Variants in PTPRD observed in about 807,000 individuals in gnomAD.
The protein encoded by PTPRD is protein tyrosine phosphatase receptor type D.
In PTPRD, 34 loss-of-function variants were observed where a neutral mutation model predicts 214.5. The ratio of observed to expected loss-of-function variants is 0.16; its 90% CI spans 0.12 to 0.21. The LOEUF (loss-of-function observed/expected upper bound fraction) is 0.21, where lower values mean the gene tolerates loss of function less well. PTPRD is among the 10% of genes least tolerant of loss of function. The pLI is 1.00. For synonymous variants in PTPRD, 1,128 were observed against 845.7 expected (o/e 1.33, Z -5.79); for missense variants, 2,545 against 2,398.7 (o/e 1.06, Z -1.27).
At chr9:8,831,063 A>C (rs894120657) in intron 11 of PTPRD, among the ~76,000 whole-genome samples, 2 of 152,176 alleles carry the variant, frequency 1.3e-5, no homozygotes, top group African/African-American at 4.8e-5. Context: ...CTGTGGACTT[A>C]GAAGGGACAT....
intron 11 of PTPRD, among the ~76,000 whole-genome samples, chr9:8,938,322 A>G (rs576383511): frequency 6.6e-6 from 1 of 152,118 alleles, no homozygotes; most frequent in South Asian, 2.1e-4. Context: ...AGAGGAGAGA[A>G]CACAAGATGA....
intron 10 of PTPRD, among the ~76,000 whole-genome samples, chr9:9,035,973 A>G (rs562067216): frequency 6.6e-6 from 1 of 152,238 alleles, no homozygotes; most frequent in South Asian, 2.1e-4. Context: ...AATGTGCTTA[A>G]TCATTCTTAC....
intron 7 of PTPRD, among the ~76,000 whole-genome samples, chr9:9,681,921 G>T (rs1307303332): frequency 1.3e-5 from 2 of 151,816 alleles, no homozygotes; most frequent in Non-Finnish European, 2.9e-5. Context: ...CATTTATATA[G>T]AAGATGTTAT....
chr9:8,796,802 T>C (rs1437839054), intron 11 of PTPRD, among the ~76,000 whole-genome samples: 1 of 152,182 alleles, frequency 6.6e-6, no homozygotes, highest in Non-Finnish European at 1.5e-5. Flanking sequence ...ATTTATTTTC[T>C]AGAAAATAAA....
chr9:9,114,728 C>G (rs143923889), intron 10 of PTPRD, among the ~76,000 whole-genome samples: 1 of 152,024 alleles, frequency 6.6e-6, no homozygotes, highest in African/African-American at 2.4e-5. Context: ...CAATGTAACC[C>G]TTTTGCCTCC....
chr9:8,374,035 T>C (rs2082456285), intron 39 of PTPRD, among the ~76,000 whole-genome samples: 1 of 151,674 alleles, frequency 6.6e-6, no homozygotes, highest in Non-Finnish European at 1.5e-5. Context: ...ATCATCATGC[T>C]GTTTTTCAGT....
intron 3 of PTPRD, among the ~76,000 whole-genome samples, chr9:10,311,568 T>A (rs938818924): frequency 1.1e-4 from 17 of 152,070 alleles, no homozygotes; most frequent in Non-Finnish European, 1.3e-4. Flanking sequence ...ATTTACACAT[T>A]TATTTAGCAA....
intron 7 of PTPRD, among the ~76,000 whole-genome samples, chr9:9,717,847 T>C (rs914684528): frequency 1.3e-5 from 2 of 152,174 alleles, no homozygotes; most frequent in East Asian, 1.9e-4. Flanking sequence ...GATACTTTTA[T>C]CTGTAAAACA....
chr9:8,955,480 C>A (rs1433972865), intron 11 of PTPRD, among the ~76,000 whole-genome samples: 2 of 151,812 alleles, frequency 1.3e-5, no homozygotes, highest in Non-Finnish European at 2.9e-5. Context: ...AGACAATCAC[C>A]AGCATAAATG....
intron 14 of PTPRD, among the ~76,000 whole-genome samples, chr9:8,599,966 G>A (rs1423686132): frequency 1.3e-5 from 2 of 152,236 alleles, no homozygotes; most frequent in East Asian, 1.9e-4. Context: ...CACTCGCAGT[G>A]CCTAATTTTG....
At chr9:9,122,202 T>C (rs2099818239) in intron 10 of PTPRD, among the ~76,000 whole-genome samples, 1 of 152,192 alleles carries the variant, frequency 6.6e-6, no homozygotes, top group South Asian at 2.1e-4. Context: ...GAGTTATTGT[T>C]ACTCATCAGA....
At chr9:8,667,884 T>C (rs1232132789) in intron 12 of PTPRD, among the ~76,000 whole-genome samples, 2 of 152,048 alleles carry the variant, frequency 1.3e-5, no homozygotes, top group Non-Finnish European at 2.9e-5. Context: ...GCAGTTTCAG[T>C]AAGAAAATTA....
intron 2 of PTPRD, among the ~76,000 whole-genome samples, chr9:10,594,306 G>A (rs557528292): frequency 1.3e-5 from 2 of 152,024 alleles, no homozygotes; most frequent in East Asian, 3.9e-4. Flanking sequence ...ACTGTATAAT[G>A]TTTTTGCAGT....
chr9:9,537,296 A>G (rs1410906710), intron 8 of PTPRD, among the ~76,000 whole-genome samples: 1 of 151,956 alleles, frequency 6.6e-6, no homozygotes, highest in Non-Finnish European at 1.5e-5. Flanking sequence ...ACAGTCATAC[A>G]TCTTTTAAGT....
intron 3 of PTPRD, among the ~76,000 whole-genome samples, chr9:10,049,746 A>G (rs1567318998): frequency 2.0e-5 from 3 of 152,194 alleles, no homozygotes; most frequent in Non-Finnish European, 1.5e-5. Context: ...TAAAACCTTT[A>G]TAGCAGTGCT....
chr9:9,857,953 A>T (rs919905659), intron 5 of PTPRD, among the ~76,000 whole-genome samples: 23 of 152,350 alleles, frequency 1.5e-4, no homozygotes, highest in African/African-American at 4.8e-4. Flanking sequence ...GAAAGAAATA[A>T]TTTTAAGTGA....
intron 44 of PTPRD, among the ~76,000 whole-genome samples, chr9:8,326,592 T>A: frequency 6.6e-6 from 1 of 151,504 alleles, no homozygotes; most frequent in East Asian, 1.9e-4. Flanking sequence ...ATAAAATGAG[T>A]TAGGAAGGAG....
chr9:9,894,228 A>G lies in PTPRD; in HGVS notation c.-368+44279T>C, dbSNP rs1412103320. ...CCTGGCTGGTCTCTCTGCCTCTGTT[A>G]TGGGTCTCTCAAATCTTTTCCCCAC... On this transcript the variant is annotated intron_variant, in intron 5 of 45. Coordinates refer to ENST00000381196, the MANE Select transcript of PTPRD (RefSeq NM_002839.4). 3.3e-5 allele frequency among the ~76,000 whole-genome samples: 5 copies of G among 151,888 alleles called. No homozygotes were observed. In the East Asian group the frequency reaches 9.7e-4, roughly 29 times the overall value.
At chr9:8,490,868 C>G (rs879328521) in intron 27 of PTPRD, among the ~76,000 whole-genome samples, 6 of 152,172 alleles carry the variant, frequency 3.9e-5, no homozygotes, top group Admixed American at 6.5e-5. Context: ...TAAAATTTCA[C>G]AAGAATTCCT....
Sources: allele counts gnomAD v4.1 joint callset (sites outside exome capture counted in the v4.1 genomes callset), GRCh38; gene constraint gnomAD v4.1.1; transcripts MANE v1.5; gene names NCBI Gene and HGNC (gene_info 2026-07-23, HGNC 2026-07-21).